The following CADM3 variants were observed in gnomAD, a reference collection of about 807,000 sequenced individuals.
CADM3 encodes the protein TSLC1-like 1.
In CADM3, 11 loss-of-function variants were observed where a neutral mutation model predicts 44.9. That is an observed-to-expected ratio of 0.25 (90% confidence interval 0.15 to 0.41). The LOEUF (loss-of-function observed/expected upper bound fraction) is 0.41. Ranked by LOEUF, CADM3 falls within the 10% of genes least tolerant of loss-of-function variation. The probability of loss-of-function intolerance (pLI) is 1.00; values close to 1 mark genes in which losing one functional copy is unlikely to be tolerated. For missense variants in CADM3, 426 were observed against 512.0 expected (o/e 0.83, Z 1.62); for synonymous variants, 207 against 205.2 (o/e 1.01, Z -0.08).
In CADM3 at chr1:159,189,814, A is replaced by T. The variant is rs765478404; in HGVS notation, c.89-2122A>T. The T allele has an allele frequency of 1.4e-5, 22 of 1,607,520 alleles. No homozygotes were observed. In the East Asian group the frequency reaches 4.7e-4, roughly 34 times the overall value. On this transcript the variant is annotated intron_variant, in intron 1 of 8. Transcript: ENST00000368125. ...ATTTGGAGCTGGGAACTCTGGCTCCACTCGACGAGGCCATCAGCTCCACAG... is the reference window on the plus strand; with the variant it reads ...ATTTGGAGCTGGGAACTCTGGCTCCTCTCGACGAGGCCATCAGCTCCACAG...
chr1:159,185,683 T>G (rs1170283398), intron 1 of CADM3, among the ~76,000 whole-genome samples: 2 of 152,254 alleles, frequency 1.3e-5, no homozygotes, highest in African/African-American at 4.8e-5. Context: ...TATAGTTTTC[T>G]GGGTAGTCTA....
rs1650154967 is a variant in CADM3 at position 159,200,828 on chromosome 1, A to G, written c.1103A>G (p.Lys368Arg). The G allele has an allele frequency of 6.2e-7, 1 of 1,608,344 alleles. No individual in the cohort carries two copies. The change falls in exon 9 of 9, where the codon AAA becomes AGA. Residue 368 changes from lysine (K) to arginine (R), a missense_variant. Around this residue, in one of 2 missense-constraint regions of CADM3, gnomAD observed 362 missense variants for 474.6 expected, o/e 0.76. Coordinates refer to ENST00000368125, the MANE Select transcript of CADM3 (RefSeq NM_001127173.3). ...GGAACCTACCTGACACATGAGGCAA[A>G]AGGCTCCGACGATGCTCCAGACGCG... ...HKGTYLTHEAKGSDDAPDADT... is the reference protein window; with the variant it reads ...HKGTYLTHEARGSDDAPDADT...
At chr1:159,174,280 G>A (rs1257639972) in intron 1 of CADM3, among the ~76,000 whole-genome samples, 1 of 152,202 alleles carries the variant, frequency 6.6e-6, no homozygotes, top group African/African-American at 2.4e-5. Context: ...CAGTGCTGAT[G>A]GTGGGAGGTA....
intron 1 of CADM3, chr1:159,189,690 C>A: frequency 9.3e-7 from 1 of 1,079,940 alleles, no homozygotes; most frequent in Non-Finnish European, 1.4e-6. Context: ...GCCTTTCCCA[C>A]ATGCCCAGCA....
At chr1:159,188,559 C>A (rs1478023004) in intron 1 of CADM3, among the ~76,000 whole-genome samples, 1 of 152,092 alleles carries the variant, frequency 6.6e-6, no homozygotes, top group East Asian at 1.9e-4. Flanking sequence ...GAAGTTCACC[C>A]GGGACTCCAA....
chr1:159,199,720 A>G, intron 7 of CADM3, 31 bp from the exon 8 acceptor site: 1 of 1,614,090 alleles, frequency 6.2e-7, no homozygotes, highest in East Asian at 2.2e-5. Context: ...CTCTCCCCAG[A>G]TCTGACTGTG....
chr1:159,196,611 C>A lies in CADM3; in HGVS notation c.782+157C>A, dbSNP rs1023100827. On this transcript the variant is annotated intron_variant, in intron 6 of 8. Transcript: ENST00000368125. ...TGTCCGCCTGCAATTAGTTCTTCTG[C>A]AAAGCAGCACAAATGGGAAGGGGCC... 27 of 681,918 alleles carry A rather than the reference C, an allele frequency of 4.0e-5. 1 individual carries two copies. Among genetic ancestry groups the A allele is most frequent in the Admixed American group, 7.7e-5 (3 of 38,748 alleles). 42.2% of individuals were successfully genotyped at this position (681,918 alleles called of 1,614,324 possible).
chr1:159,193,321 G>C, intron 3 of CADM3, 102 bp from the exon 4 acceptor site: 1 of 1,238,022 alleles, frequency 8.1e-7, no homozygotes, highest in Non-Finnish European at 1.1e-6. Context: ...AGAAATTATA[G>C]TAGAACCCAG....
Position 159,201,037 on chromosome 1 carries a change from GCCCA to G in CADM3, c.*123_*126del. Reference sequence around the variant, plus strand: ...GGCCGCCCCTCCCGCTTGCTCCCCAGCCCACCCACCCCCCTGTACAGAATGTCTG... The same window carrying G: ...GGCCGCCCCTCCCGCTTGCTCCCCAGCCCACCCCCCTGTACAGAATGTCTG... On this transcript the variant is annotated 3_prime_UTR_variant, in exon 9 of 9. Coordinates refer to ENST00000368125, the MANE Select transcript of CADM3 (RefSeq NM_001127173.3). 3.4e-6 allele frequency: 1 copy of G among 295,226 alleles called. No individual in the cohort carries two copies. The highest frequency in any genetic ancestry group is 5.6e-6 in the Non-Finnish European group (1 of 178,688). 18.3% of individuals were successfully genotyped at this position (295,226 alleles called of 1,614,324 possible). A position where few individuals can be genotyped will look rare whatever the true frequency, so the allele number is the denominator to read the frequency against.
Position 159,192,740 on chromosome 1 carries a change from C to G in CADM3, c.382+10C>G, listed in dbSNP as rs868159331. 6.2e-7 allele frequency: 1 copy of G among 1,608,948 alleles called. No individual in the cohort carries two copies. The highest frequency in any genetic ancestry group is 1.3e-5 in the African/African-American group (1 of 74,872). Reference sequence around the variant, plus strand: ...CTCGTCACTGTGCTAGGTGAGACTCCCAAACCCCAGTGTCTCTACAGCATG... The same window carrying G: ...CTCGTCACTGTGCTAGGTGAGACTCGCAAACCCCAGTGTCTCTACAGCATG... On this transcript the variant is annotated intron_variant, in intron 3 of 8. Coordinates refer to ENST00000368125, the MANE Select transcript of CADM3 (RefSeq NM_001127173.3).
intron 5 of CADM3, 138 bp downstream of exon 5, chr1:159,194,178 C>T (rs1649795483): frequency 1.1e-6 from 1 of 949,582 alleles, no homozygotes; most frequent in Non-Finnish European, 1.5e-6. Flanking sequence ...ACTGCCAGGA[C>T]TAGGCCAGGG....
chr1:159,192,625 CTCAGCA>C lies in CADM3; in HGVS notation c.290_295del (p.Ile97_Ser98del). On this transcript the variant is annotated inframe_deletion, in exon 3 of 9. Coordinates refer to ENST00000368125, the MANE Select transcript of CADM3 (RefSeq NM_001127173.3). The stretch of plus-strand genomic sequence containing the variant: ...GCTGGTTACCTCTACGCCCCACGAG[CTCAGCA>C]TCAGCATCAGCAATGTGGCCCTGGC... The C allele has an allele frequency of 6.2e-7, 1 of 1,614,230 alleles. No individual in the cohort carries two copies. Among genetic ancestry groups the C allele is most frequent in the Non-Finnish European group, 8.5e-7 (1 of 1,180,046 alleles).
Position 159,171,865 on chromosome 1 carries a change from AG to A in CADM3, c.88+17del. On this transcript the variant is annotated intron_variant, in intron 1 of 8. Coordinates refer to ENST00000368125, the MANE Select transcript of CADM3 (RefSeq NM_001127173.3). Reference sequence around the variant, plus strand: ...CCTCTCCCAGGACGGTGAGTGAGGGAGGGGGCGGCGCCTGGGGAGGTGGGGA... The same window carrying A: ...CCTCTCCCAGGACGGTGAGTGAGGGAGGGGCGGCGCCTGGGGAGGTGGGGA... 1.6e-6 allele frequency: 2 copies of A among 1,235,344 alleles called. No homozygotes were observed. The highest frequency in any genetic ancestry group is 1.0e-6 in the Non-Finnish European group (1 of 987,292). 76.5% of individuals were successfully genotyped at this position (1,235,344 alleles called of 1,614,324 possible).
chr1:159,189,451 G>T lies in CADM3; in HGVS notation c.89-2485G>T, dbSNP rs568447017. The stretch of plus-strand genomic sequence containing the variant: ...ACCAAGTCACTTTTAACCTTTAAGG[G>T]TTTCATTGTCCTCATCTGCGAAGTG... On this transcript the variant is annotated intron_variant, in intron 1 of 8. Coordinates refer to ENST00000368125, the MANE Select transcript of CADM3 (RefSeq NM_001127173.3). Among the ~76,000 whole-genome samples, 177 of 152,236 alleles carry T rather than the reference G, an allele frequency of 1.2e-3. 1 individual carries two copies. The highest frequency in any genetic ancestry group is 3.4e-3 in the Middle Eastern group (1 of 294).
intron 1 of CADM3, among the ~76,000 whole-genome samples, chr1:159,172,108 CTGA>C (rs1004461833): frequency 6.6e-6 from 1 of 152,066 alleles, no homozygotes; most frequent in Non-Finnish European, 1.5e-5. Context: ...GCTCTCGGGG[CTGA>C]TGTCCGTTAG....
intron 1 of CADM3, among the ~76,000 whole-genome samples, chr1:159,191,648 T>C (rs1649664628): frequency 6.6e-6 from 1 of 152,168 alleles, no homozygotes; most frequent in Admixed American, 6.5e-5. Flanking sequence ...AGATTTGGGG[T>C]GCCTTTACTC....
intron 1 of CADM3, 95 bp downstream of exon 1, chr1:159,171,948 G>A: frequency 1.2e-6 from 1 of 811,628 alleles, no homozygotes; most frequent in Non-Finnish European, 1.7e-6. Context: ...TGTTGGCTTT[G>A]TTTGGAACCG....
intron 7 of CADM3, among the ~76,000 whole-genome samples, chr1:159,199,535 A>AT (rs1650061667): frequency 6.6e-6 from 1 of 152,172 alleles, no homozygotes; most frequent in African/African-American, 2.4e-5. Flanking sequence ...GTATGGGCAG[A>AT]TTTATTTATT....
At position 159,200,880 on chromosome 1, in the gene CADM3, C is replaced by G; in HGVS notation, c.1155C>G (p.Gly385=). Residue 385 remains glycine (G), a synonymous_variant, in exon 9 of 9, where the codon GGC becomes GGG. Coordinates refer to ENST00000368125, the MANE Select transcript of CADM3 (RefSeq NM_001127173.3). ...DADTAIINAE[G]GQSGGDDKKE... ...ACACGGCCATCATCAATGCAGAAGG[C>G]GGGCAGTCAGGAGGGGACGACAAGA... 6.2e-7 allele frequency: 1 copy of G among 1,609,648 alleles called. No homozygotes were observed. The highest frequency in any genetic ancestry group is 8.5e-7 in the Non-Finnish European group (1 of 1,177,798).
Sources: gnomAD v4.1 joint callset for allele counts (sites outside exome capture counted in the v4.1 genomes callset) on GRCh38, gnomAD v4.1.1 for gene constraint, gnomAD v4.1.1 regional missense constraint, MANE v1.5 for transcripts, NCBI Gene and HGNC (gene_info 2026-07-23, HGNC 2026-07-21) for gene names.